SORCS2: variants seen among roughly 807,000 people sequenced by gnomAD.
SORCS2 encodes the protein VPS10 domain-containing receptor SorCS2.
A neutral mutation model predicts 141.6 loss-of-function variants in SORCS2; 100 were observed. That is an observed-to-expected ratio of 0.71 (90% CI 0.60 to 0.83). The LOEUF (loss-of-function observed/expected upper bound fraction) is 0.83. Ranked by LOEUF, SORCS2 falls within the 40% of genes least tolerant of loss-of-function variation. SORCS2 has a pLI of 0.00. For synonymous variants in SORCS2, 789 were observed against 676.9 expected (o/e 1.17, Z -2.57); for missense variants, 1,646 against 1,560.2 (o/e 1.05, Z -0.93).
intron 1 of SORCS2, among the ~76,000 whole-genome samples, chr4:7,295,679 A>G (rs1284403854): frequency 1.3e-5 from 2 of 152,200 alleles, no homozygotes; most frequent in East Asian, 1.9e-4. Context: ...ACTGGTGTGA[A>G]CGGGACGGCA....
chr4:7,463,976 G>A (rs117603363), intron 2 of SORCS2, among the ~76,000 whole-genome samples: 6 of 152,294 alleles, frequency 3.9e-5, no homozygotes, highest in East Asian at 3.9e-4. Flanking sequence ...GAATTGGCAC[G>A]AGTGGCTCCT....
intron 6 of SORCS2, among the ~76,000 whole-genome samples, chr4:7,662,954 A>G (rs1722268536): frequency 1.3e-5 from 2 of 152,088 alleles, no homozygotes; most frequent in South Asian, 4.2e-4. Flanking sequence ...GATTGAGGGA[A>G]TGAATGAATG....
intron 26 of SORCS2, among the ~76,000 whole-genome samples, chr4:7,738,624 C>G (rs2148906873): frequency 6.6e-6 from 1 of 152,304 alleles, no homozygotes; most frequent in Middle Eastern, 3.4e-3. Context: ...CTTGGCACCA[C>G]CAGCTGCTGC....
intron 2 of SORCS2, among the ~76,000 whole-genome samples, chr4:7,427,788 G>C (rs1189817652): frequency 6.6e-6 from 1 of 152,018 alleles, no homozygotes; most frequent in Non-Finnish European, 1.5e-5. Context: ...TCATCAGCAG[G>C]GGATGGCACG....
chr4:7,558,268 A>G (rs559301557), intron 3 of SORCS2, among the ~76,000 whole-genome samples: 3 of 152,316 alleles, frequency 2.0e-5, no homozygotes, highest in Non-Finnish European at 4.4e-5. Context: ...TTTGGGGCTG[A>G]GGGATTCTGT....
Position 7,676,109 on chromosome 4 carries a change from C to T in SORCS2, c.1221C>T (p.Tyr407=). Residue 407 remains tyrosine (Y), a synonymous_variant, in exon 9 of 27, where the codon TAC becomes TAT. Transcript: ENST00000507866. ...TGTTCGTGGCGGTGCAGGAGTGGTA[C>T]CAGATGGACACCTACAACCTGTACC... The part of the protein sequence containing the change: ...SQVFVAVQEW[Y]QMDTYNLYQS... The T allele has an allele frequency of 6.3e-7, 1 of 1,585,948 alleles. No homozygotes were observed. Among genetic ancestry groups the T allele is most frequent in the Non-Finnish European group, 8.6e-7 (1 of 1,164,538 alleles).
chr4:7,339,532 A>G (rs1190054120), intron 1 of SORCS2, among the ~76,000 whole-genome samples: 1 of 152,124 alleles, frequency 6.6e-6, no homozygotes, highest in Non-Finnish European at 1.5e-5. Flanking sequence ...CTTGGCGTGC[A>G]TGGCCTGTAG....
intron 3 of SORCS2, among the ~76,000 whole-genome samples, chr4:7,560,024 A>G (rs558180785): frequency 6.6e-6 from 1 of 152,316 alleles, no homozygotes; most frequent in African/African-American, 2.4e-5. Context: ...GCTGAATTAA[A>G]GGCGGGGAGG....
intron 3 of SORCS2, among the ~76,000 whole-genome samples, chr4:7,629,404 G>A (rs1043525482): frequency 6.6e-5 from 10 of 152,138 alleles, no homozygotes; most frequent in Non-Finnish European, 1.5e-4. Context: ...GAACAAACAT[G>A]GGTGTGAAAC....
Position 7,598,753 on chromosome 4 carries a change from A to G in SORCS2, c.649-39575A>G, listed in dbSNP as rs76721098. On this transcript the variant is annotated intron_variant, in intron 3 of 26. Transcript: ENST00000507866. ...CTTCCAATAGACATAATATTCTTCA[A>G]CCTCCAGAAGTGCAGTCCAAAGGCC... 5.4e-3 allele frequency among the ~76,000 whole-genome samples: 824 copies of G among 152,160 alleles called. 11 individuals carry two copies. Among genetic ancestry groups the G allele is most frequent in the African/African-American group, 0.018 (756 of 41,496 alleles).
At chr4:7,478,347 G>T (rs985226332) in intron 2 of SORCS2, among the ~76,000 whole-genome samples, 20 of 152,040 alleles carry the variant, frequency 1.3e-4, no homozygotes, top group Non-Finnish European at 1.6e-4. Context: ...CTCCTCCAGG[G>T]CTTTGTTGAA....
At chr4:7,662,995 C>CGAGTGAGTGGATGAGTGAGTGGGTGAAT (rs1722272125) in intron 6 of SORCS2, among the ~76,000 whole-genome samples, 1 of 145,826 alleles carries the variant, frequency 6.9e-6, no homozygotes, top group Non-Finnish European at 1.5e-5. Flanking sequence ...AGTGAGTGAG[C>CGAGTGAGTGGATGAGTGAGTGGGTGAAT]GAGTGAGTGG....
chr4:7,569,163 G>C (rs1382178123), intron 3 of SORCS2, among the ~76,000 whole-genome samples: 1 of 152,236 alleles, frequency 6.6e-6, no homozygotes, highest in Non-Finnish European at 1.5e-5. Context: ...CCAGGCAGAA[G>C]TGATTACGGC....
At chr4:7,364,097 C>T (rs1174319761) in intron 1 of SORCS2, among the ~76,000 whole-genome samples, 4 of 152,074 alleles carry the variant, frequency 2.6e-5, no homozygotes, top group Non-Finnish European at 4.4e-5. Flanking sequence ...ATTGTTACTA[C>T]CATCATCATT....
At chr4:7,491,743 C>G (rs1731327392) in intron 2 of SORCS2, among the ~76,000 whole-genome samples, 1 of 152,198 alleles carries the variant, frequency 6.6e-6, no homozygotes, top group Non-Finnish European at 1.5e-5. Flanking sequence ...AGCCCACCCA[C>G]CCCCCGTTAA....
At chr4:7,264,546 G>A (rs530857230) in intron 1 of SORCS2, among the ~76,000 whole-genome samples, 1 of 152,232 alleles carries the variant, frequency 6.6e-6, no homozygotes, top group Non-Finnish European at 1.5e-5. Flanking sequence ...TCAGCCCCTG[G>A]TCTGGGAAGG....
chr4:7,482,030 T>C (rs1271924831), intron 2 of SORCS2, among the ~76,000 whole-genome samples: 3 of 73,736 alleles, frequency 4.1e-5, no homozygotes, highest in South Asian at 7.6e-4. Flanking sequence ...GTATCCCCAC[T>C]GCGGACACCC....
chr4:7,690,624 G>A (rs1285796960), intron 11 of SORCS2, among the ~76,000 whole-genome samples: 1 of 152,058 alleles, frequency 6.6e-6, no homozygotes, highest in Non-Finnish European at 1.5e-5. Context: ...ATGAGTGGAT[G>A]GGTGGATGAT....
intron 1 of SORCS2, among the ~76,000 whole-genome samples, chr4:7,239,757 C>G (rs1712559141): frequency 6.6e-6 from 1 of 152,168 alleles, no homozygotes. Flanking sequence ...ACCACTTTTG[C>G]CCTTTCGGAT....
Sources: allele counts gnomAD v4.1 joint callset (sites outside exome capture counted in the v4.1 genomes callset), GRCh38; gene constraint gnomAD v4.1.1; transcripts MANE v1.5; gene names NCBI Gene and HGNC (gene_info 2026-07-23, HGNC 2026-07-21).